C12orf42: variants seen among roughly 807,000 people sequenced by gnomAD.
C12orf42 encodes the protein uncharacterized protein C12orf42.
C12orf42 carries 25 observed loss-of-function variants against 21.6 expected under a neutral mutation model. The ratio of observed to expected loss-of-function variants is 1.16; its 90% CI spans 0.84 to 1.62. The LOEUF (loss-of-function observed/expected upper bound fraction) is 1.62. Among genes scored for constraint, C12orf42 ranks in the 40% most tolerant of loss-of-function variants. The probability of loss-of-function intolerance (pLI) is 0.00; values close to 1 mark genes in which losing one functional copy is unlikely to be tolerated. For missense variants in C12orf42, 483 were observed against 459.3 expected, an observed-to-expected ratio of 1.05 and a Z score of -0.47; for synonymous variants, 174 against 175.0, an observed-to-expected ratio of 0.99 and a Z score of 0.05.
chr12:103,301,404 GAATCCTACC>G (rs1372327385), downstream of C12orf42, among the ~76,000 whole-genome samples: 1 of 152,172 alleles, frequency 6.6e-6, no homozygotes, highest in Non-Finnish European at 1.5e-5. Context: ...GTTGGTCTCA[GAATCCTACC>G]GTGAAGAAAA....
chr12:103,209,737 C>A, the C12orf42 span, among the ~76,000 whole-genome samples: 1 of 152,094 alleles, frequency 6.6e-6, no homozygotes, highest in African/African-American at 2.4e-5. Context: ...CTTGATGATC[C>A]CTCCGCCTTG....
At chr12:103,402,327 T>A (rs1180569449) in intron 2 of C12orf42, among the ~76,000 whole-genome samples, 2 of 152,238 alleles carry the variant, frequency 1.3e-5, no homozygotes, top group Admixed American at 1.3e-4. Flanking sequence ...GACATTTGAT[T>A]TGAAGCTTAC....
rs1016066815 is a variant in C12orf42 at position 103,254,932 on chromosome 12, A to T, written c.*1366+8394T>A. Among the ~76,000 whole-genome samples the T allele has an allele frequency of 3.3e-4, 51 of 152,336 alleles. 1 individual carries two copies. The highest frequency in any genetic ancestry group is 2.9e-4 in the Non-Finnish European group (20 of 68,034). On this transcript the variant is annotated intron_variant and NMD_transcript_variant, in intron 10 of 10. Coordinates refer to the C12orf42 transcript ENST00000547347. ...CCATAACTTAAAATAGAAATTAAAA[A>T]TTTTTTTAAATTATAAATGTTTCAT... is the stretch of plus-strand genomic sequence containing the variant.
chr12:103,117,092 T>G, the C12orf42 span, among the ~76,000 whole-genome samples: 1 of 152,214 alleles, frequency 6.6e-6, no homozygotes, highest in African/African-American at 2.4e-5. Flanking sequence ...TATATTATTG[T>G]TAACCACACT....
the C12orf42 span, among the ~76,000 whole-genome samples, chr12:103,132,299 A>T: frequency 1.3e-5 from 2 of 152,076 alleles, no homozygotes; most frequent in African/African-American, 4.8e-5. Flanking sequence ...GAAGGAAGAG[A>T]GGCAGCCTAC....
At chr12:103,252,800 T>C (rs1222651362) in intron 10 of C12orf42, among the ~76,000 whole-genome samples, 1 of 152,230 alleles carries the variant, frequency 6.6e-6, no homozygotes, top group Non-Finnish European at 1.5e-5. Flanking sequence ...AGAAGCTCTT[T>C]AGTTTATTTA....
the C12orf42 span, among the ~76,000 whole-genome samples, chr12:103,513,699 G>A: frequency 6.6e-6 from 1 of 152,196 alleles, no homozygotes; most frequent in African/African-American, 2.4e-5. Flanking sequence ...ACTTGAACTA[G>A]ATTTATTTAA....
At chr12:103,167,382 C>T in the C12orf42 span, among the ~76,000 whole-genome samples, 1 of 152,154 alleles carries the variant, frequency 6.6e-6, no homozygotes, top group African/African-American at 2.4e-5. Flanking sequence ...TTTGTGTCCC[C>T]CCAAATTGAA....
At chr12:103,250,083 CTATCT>C (rs904839534) in intron 10 of C12orf42, among the ~76,000 whole-genome samples, 15 of 149,116 alleles carry the variant, frequency 1.0e-4, no homozygotes, top group African/African-American at 3.2e-4. Flanking sequence ...ATCTATCTAT[CTATCT>C]ATCTATCTAT....
the C12orf42 span, among the ~76,000 whole-genome samples, chr12:103,084,866 T>C: frequency 6.6e-6 from 1 of 152,184 alleles, no homozygotes; most frequent in Non-Finnish European, 1.5e-5. Flanking sequence ...TAAAGACATA[T>C]ATGTGGTGCC....
chr12:103,065,621 A>G, the C12orf42 span, among the ~76,000 whole-genome samples: 1,854 of 152,320 alleles, frequency 0.012, 22 homozygotes, highest in Non-Finnish European at 0.02. Flanking sequence ...GGACTTATTA[A>G]TGAGACGTTT....
the C12orf42 span, among the ~76,000 whole-genome samples, chr12:103,208,677 T>C: frequency 6.6e-6 from 1 of 152,222 alleles, no homozygotes; most frequent in Non-Finnish European, 1.5e-5. Context: ...GCAATTCCAT[T>C]CTTCACCCAT....
chr12:103,491,888 A>T (rs1321527536), intron 1 of C12orf42, among the ~76,000 whole-genome samples: 1 of 152,210 alleles, frequency 6.6e-6, no homozygotes, highest in African/African-American at 2.4e-5. Flanking sequence ...CTGAAGGGAA[A>T]AAGGAATTCC....
chr12:103,294,389 A>AAAAG (rs10579611), intron 4 of C12orf42, among the ~76,000 whole-genome samples: 9,830 of 118,694 alleles, frequency 0.083, 1,450 homozygotes, highest in African/African-American at 0.29. Flanking sequence ...AGAAAGAAGA[A>AAAAG]AAAGAAAGAA....
At chr12:103,279,422 T>C (rs1275794572) in intron 4 of C12orf42, among the ~76,000 whole-genome samples, 1 of 152,236 alleles carries the variant, frequency 6.6e-6, no homozygotes, top group Non-Finnish European at 1.5e-5. Context: ...TATGTATTTA[T>C]ATACTTATTG....
At chr12:103,523,123 T>A in the C12orf42 span, among the ~76,000 whole-genome samples, 1 of 152,244 alleles carries the variant, frequency 6.6e-6, no homozygotes, top group Non-Finnish European at 1.5e-5. Context: ...CTAAGATAAA[T>A]GAGCCCTCTC....
the C12orf42 span, among the ~76,000 whole-genome samples, chr12:103,117,498 C>T: frequency 3.3e-5 from 5 of 152,192 alleles, no homozygotes; most frequent in East Asian, 1.9e-4. Flanking sequence ...AGGATTTAAA[C>T]GATGGCTGCC....
intron 4 of C12orf42, among the ~76,000 whole-genome samples, chr12:103,327,957 G>A (rs1240160109): frequency 1.3e-5 from 2 of 152,132 alleles, no homozygotes; most frequent in African/African-American, 2.4e-5. Context: ...TTGTTATTTT[G>A]CACTGAAAAT....
At chr12:103,427,760 G>T (rs147416705) in intron 2 of C12orf42, among the ~76,000 whole-genome samples, 139 of 152,196 alleles carry the variant, frequency 9.1e-4, no homozygotes, top group African/African-American at 3.2e-3. Context: ...CAAAAGAACG[G>T]AAATCATAAC....
Sources: allele counts gnomAD v4.1 joint callset (sites outside exome capture counted in the v4.1 genomes callset), GRCh38; gene constraint gnomAD v4.1.1; transcripts MANE v1.5; gene names NCBI Gene and HGNC (gene_info 2026-07-23, HGNC 2026-07-21).